The following NCKAP5 variants were observed in gnomAD, a reference collection of about 807,000 sequenced individuals.
The protein encoded by NCKAP5 is nck-associated protein 5.
A neutral mutation model predicts 167.0 loss-of-function variants in NCKAP5; 92 were observed. The observed-to-expected ratio is 0.55, with a 90% CI of 0.47 to 0.66. The LOEUF (loss-of-function observed/expected upper bound fraction) is 0.66, where lower values mean the gene tolerates loss of function less well. NCKAP5 is among the 30% of genes least tolerant of loss of function. NCKAP5 has a pLI of 0.00. For synonymous variants in NCKAP5, 891 were observed against 877.4 expected (o/e 1.02, Z -0.27); for missense variants, 2,378 against 2,315.0 (o/e 1.03, Z -0.56).
chr2:132,949,291 G>T (rs2076108657), intron 8 of NCKAP5, among the ~76,000 whole-genome samples: 1 of 152,100 alleles, frequency 6.6e-6, no homozygotes, highest in Non-Finnish European at 1.5e-5. Context: ...GTCCCTTCAA[G>T]GTTGGCCAAT....
intron 5 of NCKAP5, among the ~76,000 whole-genome samples, chr2:133,163,251 T>C (rs1030338745): frequency 1.3e-5 from 2 of 152,226 alleles, no homozygotes; most frequent in African/African-American, 4.8e-5. Context: ...GAAGGCCCCA[T>C]ACACACTGGT....
At chr2:133,017,293 G>A (rs1316659514) in intron 6 of NCKAP5, among the ~76,000 whole-genome samples, 2 of 152,052 alleles carry the variant, frequency 1.3e-5, no homozygotes, top group Non-Finnish European at 2.9e-5. Flanking sequence ...CATTCTTCTG[G>A]CATTTCACAT....
chr2:132,803,724 C>T (rs1288763499), intron 11 of NCKAP5, among the ~76,000 whole-genome samples: 1 of 152,164 alleles, frequency 6.6e-6, no homozygotes, highest in African/African-American at 2.4e-5. Flanking sequence ...CCTAAAGAGC[C>T]TCAGCTCTAA....
intron 8 of NCKAP5, chr2:132,954,706 A>G (rs1471346014): frequency 2.2e-6 from 1 of 452,324 alleles, no homozygotes; most frequent in Admixed American, 2.4e-5. Context: ...AGGTACAATA[A>G]TAACAAAAAG....
At chr2:132,749,367 C>T (rs1040826129) in intron 16 of NCKAP5, among the ~76,000 whole-genome samples, 17 of 151,948 alleles carry the variant, frequency 1.1e-4, no homozygotes, top group Admixed American at 1.0e-3. Context: ...CCATGCCTGG[C>T]TAATTTTTGT....
At chr2:132,812,940 T>A (rs1685993258) in intron 11 of NCKAP5, among the ~76,000 whole-genome samples, 1 of 152,168 alleles carries the variant, frequency 6.6e-6, no homozygotes, top group East Asian at 1.9e-4. Context: ...ACTGTCCCAT[T>A]CATAAGAGCT....
At chr2:132,934,975 T>C (rs1359249839) in intron 8 of NCKAP5, among the ~76,000 whole-genome samples, 1 of 152,228 alleles carries the variant, frequency 6.6e-6, no homozygotes, top group Admixed American at 6.5e-5. Context: ...GTTATCCCCT[T>C]TGTCAAAGTG....
chr2:133,422,991 G>T (rs1424511766), intron 3 of NCKAP5, among the ~76,000 whole-genome samples: 1 of 152,036 alleles, frequency 6.6e-6, no homozygotes, highest in Non-Finnish European at 1.5e-5. Context: ...GAAAGTCCCG[G>T]TATATTTGAA....
intron 8 of NCKAP5, among the ~76,000 whole-genome samples, chr2:132,956,192 A>C (rs1348697071): frequency 6.6e-6 from 1 of 152,224 alleles, no homozygotes; most frequent in Non-Finnish European, 1.5e-5. Context: ...ATCACTCTGC[A>C]TGCCATAAAT....
intron 11 of NCKAP5, among the ~76,000 whole-genome samples, chr2:132,843,724 CTTA>C (rs1286196970): frequency 6.6e-6 from 1 of 151,832 alleles, no homozygotes; most frequent in African/African-American, 2.4e-5. Flanking sequence ...AATTTTATTT[CTTA>C]TATCTTACTT....
At position 133,170,848 on chromosome 2, in the gene NCKAP5, C is replaced by T. The variant is rs535654164; in HGVS notation, c.208-40737G>A. On this transcript the variant is annotated intron_variant, in intron 5 of 19. Coordinates refer to ENST00000409261, the MANE Select transcript of NCKAP5 (RefSeq NM_207363.3). ...CTGAGACATTTATCAGCATAGCCTA[C>T]ATGCAGATCTACCCTCCCAAGCATG... 5.9e-5 allele frequency among the ~76,000 whole-genome samples: 9 copies of T among 152,296 alleles called. No homozygotes were observed. In the East Asian group the frequency reaches 1.7e-3, roughly 29 times the overall value.
chr2:133,498,541 AAGGG>A (rs754814267), intron 3 of NCKAP5, among the ~76,000 whole-genome samples: 1 of 135,932 alleles, frequency 7.4e-6, no homozygotes, highest in Non-Finnish European at 1.6e-5. Context: ...GGCAGGGAGG[AAGGG>A]AGGGAGGGAG....
At position 133,120,481 on chromosome 2, in the gene NCKAP5, T is replaced by C. The variant is rs919333485; in HGVS notation, c.341+9497A>G. 2.0e-5 allele frequency among the ~76,000 whole-genome samples: 3 copies of C among 152,180 alleles called. No individual in the cohort carries two copies. The East Asian group carries it at 5.8e-4, about 29-fold the overall frequency. ...TAAAGGTAATCAGAACAACAATCTA[T>C]ACTACTGGGACTGCTGCCTCTGCCT... On this transcript the variant is annotated intron_variant, in intron 6 of 19. Coordinates refer to ENST00000409261, the MANE Select transcript of NCKAP5 (RefSeq NM_207363.3).
At position 132,784,443 on chromosome 2, in the gene NCKAP5, C is replaced by T; in HGVS notation, c.2368G>A (p.Ala790Thr). 3.1e-6 allele frequency: 5 copies of T among 1,606,628 alleles called. No homozygotes were observed. The highest frequency in any genetic ancestry group is 4.2e-6 in the Non-Finnish European group (5 of 1,177,210). The change falls in exon 14 of 20, where the codon GCA (alanine) becomes ACA (threonine). Residue 790 changes from alanine to threonine, a missense_variant. Physicochemically the swap from Ala to Thr is moderately conservative, Grantham distance 58. Transcript: ENST00000409261. ...TGCTTTTGATAGATGCCCATGGGTG[C>T]CGAAGACCTGGAATTACTCTGGCAT... Reference protein sequence around the residue: ...ISCQSNSRSSAPMGIYQKQNL... With the variant: ...ISCQSNSRSSTPMGIYQKQNL...
intron 6 of NCKAP5, among the ~76,000 whole-genome samples, chr2:133,020,861 G>T (rs1041814858): frequency 6.6e-6 from 1 of 152,196 alleles, no homozygotes; most frequent in Non-Finnish European, 1.5e-5. Context: ...ACGGACAAGG[G>T]GAGGGAGACT....
chr2:133,432,397 C>T (rs1331784745), intron 3 of NCKAP5, among the ~76,000 whole-genome samples: 1 of 152,094 alleles, frequency 6.6e-6, no homozygotes, highest in Non-Finnish European at 1.5e-5. Flanking sequence ...TTGCATTTCC[C>T]GTCTCCTGGT....
chr2:133,290,728 C>CTTTTTTTTT (rs58758295), intron 4 of NCKAP5, among the ~76,000 whole-genome samples: 49 of 89,260 alleles, frequency 5.5e-4, no homozygotes, highest in Non-Finnish European at 7.1e-4. Context: ...AGAATTTCTC[C>CTTTTTTTTT]TTTTTTTTTT....
intron 6 of NCKAP5, among the ~76,000 whole-genome samples, chr2:133,128,906 G>A (rs1005016881): frequency 1.3e-5 from 2 of 150,272 alleles, no homozygotes; most frequent in Admixed American, 1.3e-4. Context: ...CCACATTCAA[G>A]TGTTCTAGTG....
chr2:133,109,066 T>C (rs2081819598), intron 6 of NCKAP5, among the ~76,000 whole-genome samples: 1 of 152,220 alleles, frequency 6.6e-6, no homozygotes, highest in Non-Finnish European at 1.5e-5. Context: ...CTCGGGCTAA[T>C]TTGTAAAAGA....
Sources: gnomAD v4.1 joint callset for allele counts (sites outside exome capture counted in the v4.1 genomes callset) on GRCh38, gnomAD v4.1.1 for gene constraint, MANE v1.5 for transcripts, NCBI Gene and HGNC (gene_info 2026-07-23, HGNC 2026-07-21) for gene names.